SQOR: variants seen among roughly 807,000 people sequenced by gnomAD.
SQOR encodes sulfide:quinone oxidoreductase, mitochondrial.
SQOR carries 39 observed loss-of-function variants against 48.6 expected under a neutral mutation model. The ratio of observed to expected loss-of-function variants is 0.80; its 90% CI spans 0.62 to 1.05. The LOEUF (loss-of-function observed/expected upper bound fraction) is 1.05, where lower values mean the gene tolerates loss of function less well. Ranked by LOEUF, SQOR falls within the 50% of genes least tolerant of loss-of-function variation. The pLI is 0.00. For synonymous variants in SQOR, 220 were observed against 206.2 expected (o/e 1.07, Z -0.57); for missense variants, 561 against 559.9 (o/e 1.00, Z -0.02).
intron 7 of SQOR, 43 bp downstream of exon 7, chr15:45,682,704 C>T: frequency 6.3e-7 from 1 of 1,596,896 alleles, no homozygotes; most frequent in Non-Finnish European, 8.6e-7. Context: ...AAAAATATGT[C>T]ACCTCAAGGC....
intron 1 of SQOR, among the ~76,000 whole-genome samples, chr15:45,656,779 C>G (rs1725609988): frequency 6.6e-6 from 1 of 152,030 alleles, no homozygotes; most frequent in Admixed American, 6.6e-5. Context: ...GTATCCTGAT[C>G]ATGATGTAAA....
Position 45,688,395 on chromosome 15 carries a change from A to G in SQOR, c.1107A>G (p.Pro369=), listed in dbSNP as rs753127442. 3.1e-6 allele frequency: 5 copies of G among 1,604,944 alleles called. No homozygotes were observed. In the South Asian group the frequency reaches 5.6e-5, roughly 18 times the overall value. The change falls in exon 8 of 10, where the codon CCA becomes CCG. Residue 369 remains proline, a synonymous_variant. Coordinates refer to ENST00000260324, the MANE Select transcript of SQOR (RefSeq NM_021199.4). ...TISVIMKNQT[P]TKKYDGYTSC... ...CTGTAATTATGAAGAATCAAACACC[A>G]ACAAAGAAGGTTTGTATGCCTTGTA...
At chr15:45,658,036 CCT>C (rs1329166226) in intron 1 of SQOR, among the ~76,000 whole-genome samples, 1 of 152,014 alleles carries the variant, frequency 6.6e-6, no homozygotes, top group Non-Finnish European at 1.5e-5. Context: ...GCCTTAATTT[CCT>C]CTCTGCCAAA....
intron 1 of SQOR, among the ~76,000 whole-genome samples, chr15:45,655,543 G>A (rs1889586212): frequency 6.6e-6 from 1 of 152,128 alleles, no homozygotes; most frequent in Admixed American, 6.5e-5. Flanking sequence ...AAAATGTACA[G>A]TGTATTAAAG....
chr15:45,659,706 C>G (rs1245629145), intron 2 of SQOR, among the ~76,000 whole-genome samples: 2 of 152,208 alleles, frequency 1.3e-5, no homozygotes, highest in African/African-American at 4.8e-5. Flanking sequence ...TTTTATAAAG[C>G]CACCATTCAT....
intron 7 of SQOR, among the ~76,000 whole-genome samples, chr15:45,686,867 G>A (rs748772754): frequency 6.6e-5 from 10 of 152,208 alleles, no homozygotes; most frequent in Non-Finnish European, 1.3e-4. Context: ...CTGGAGGGCA[G>A]TGGTGCAATC....
chr15:45,648,679 G>A (rs1889396630), intron 1 of SQOR, among the ~76,000 whole-genome samples: 1 of 152,174 alleles, frequency 6.6e-6, no homozygotes, highest in African/African-American at 2.4e-5. Context: ...GTGTAAGCCT[G>A]ACCTGTGCCG....
intron 1 of SQOR, among the ~76,000 whole-genome samples, chr15:45,639,959 A>T (rs1895075598): frequency 6.6e-6 from 1 of 152,218 alleles, no homozygotes; most frequent in Non-Finnish European, 1.5e-5. Flanking sequence ...GTAAATGACT[A>T]TCTCATGGTC....
intron 2 of SQOR, among the ~76,000 whole-genome samples, chr15:45,659,360 C>G (rs567173073): frequency 1.3e-5 from 2 of 151,568 alleles, no homozygotes; most frequent in African/African-American, 4.9e-5. Flanking sequence ...GAGAACAGAT[C>G]TCTTGGCTTT....
chr15:45,634,467 G>C (rs1894959180), upstream of SQOR, among the ~76,000 whole-genome samples: 1 of 151,910 alleles, frequency 6.6e-6, no homozygotes, highest in Non-Finnish European at 1.5e-5. Flanking sequence ...TATGGGATGG[G>C]ACACTGTGGA....
At chr15:45,676,041 A>G in intron 5 of SQOR, 60 bp from the exon 6 acceptor site, 2 of 1,288,228 alleles carry the variant, frequency 1.6e-6, no homozygotes, top group South Asian at 1.4e-5. Context: ...GTCTGGATTA[A>G]AAAAAAAAAA....
chr15:45,685,554 C>T (rs8039295), intron 7 of SQOR, among the ~76,000 whole-genome samples: 56,454 of 151,992 alleles, frequency 0.37, 12,683 homozygotes, highest in Middle Eastern at 0.55. Flanking sequence ...GATTGTAATA[C>T]AGGGCAAAAA....
At chr15:45,655,931 C>T (rs112202749) in intron 1 of SQOR, among the ~76,000 whole-genome samples, 79 of 151,522 alleles carry the variant, frequency 5.2e-4, no homozygotes, top group African/African-American at 1.5e-3. Flanking sequence ...GTGATCCGCC[C>T]GCCTTGGCCT....
At chr15:45,689,319 T>C in intron 9 of SQOR, 102 bp downstream of exon 9, 3 of 1,167,898 alleles carry the variant, frequency 2.6e-6, no homozygotes, top group Non-Finnish European at 2.4e-6. Flanking sequence ...AGTGACCAAG[T>C]GTTCTGTCTT....
At chr15:45,640,821 C>G (rs568645104) in intron 1 of SQOR, among the ~76,000 whole-genome samples, 10 of 152,284 alleles carry the variant, frequency 6.6e-5, no homozygotes, top group African/African-American at 2.2e-4. Context: ...GATTCCACCT[C>G]AGGCTTCTTT....
At chr15:45,648,184 T>G (rs750339761) in intron 1 of SQOR, among the ~76,000 whole-genome samples, 4 of 148,668 alleles carry the variant, frequency 2.7e-5, no homozygotes, top group Admixed American at 1.3e-4. Flanking sequence ...TGTTTTTTTG[T>G]TTTTTTTTTG....
intron 1 of SQOR, among the ~76,000 whole-genome samples, chr15:45,651,877 C>T (rs1007983175): frequency 2.0e-5 from 3 of 151,772 alleles, no homozygotes; most frequent in Non-Finnish European, 2.9e-5. Flanking sequence ...TCCTCCTTCT[C>T]CTTCTTCTTC....
At position 45,662,812 on chromosome 15, in the gene SQOR, A is replaced by C. The variant is rs115218225; in HGVS notation, c.405+687A>C. Among the ~76,000 whole-genome samples the C allele has an allele frequency of 5.5e-3, 845 of 152,322 alleles. 9 individuals carry two copies. Among genetic ancestry groups the C allele is most frequent in the African/African-American group, 0.02 (817 of 41,578 alleles). On this transcript the variant is annotated intron_variant, in intron 3 of 9. Coordinates refer to ENST00000260324, the MANE Select transcript of SQOR (RefSeq NM_021199.4). ...CCCCACCTGCTGCTGAGCCCAGGGC[A>C]GGGGCAGGCAGTGCAGCCACCGTGC...
At chr15:45,632,306 G>A (rs1199553938), upstream of SQOR, among the ~76,000 whole-genome samples, 1 of 151,130 alleles carries the variant, frequency 6.6e-6, no homozygotes, top group Non-Finnish European at 1.5e-5. Context: ...TGCAACCTCC[G>A]CCTGCTGGGT....
Sources: allele counts gnomAD v4.1 joint callset (sites outside exome capture counted in the v4.1 genomes callset), GRCh38; gene constraint gnomAD v4.1.1; transcripts MANE v1.5; gene names NCBI Gene and HGNC (gene_info 2026-07-23, HGNC 2026-07-21).